SEMA3D: variants seen among roughly 807,000 people sequenced by gnomAD.
SEMA3D encodes semaphorin 3D.
In SEMA3D, 84 loss-of-function variants were observed where a neutral mutation model predicts 100.1. The observed-to-expected ratio is 0.84, with a 90% CI of 0.70 to 1.01. SEMA3D has a LOEUF of 1.01. Among genes scored for constraint, SEMA3D ranks in the 50% least tolerant of loss-of-function variants. The probability of loss-of-function intolerance (pLI) is 0.00; values close to 1 mark genes in which losing one functional copy is unlikely to be tolerated. For missense variants in SEMA3D, 875 were observed against 934.1 expected (o/e 0.94, Z 0.82); for synonymous variants, 312 against 320.7 (o/e 0.97, Z 0.29).
At chr7:85,177,451 T>G (rs1157190571) in intron 1 of SEMA3D, among the ~76,000 whole-genome samples, 1 of 151,902 alleles carries the variant, frequency 6.6e-6, no homozygotes, top group African/African-American at 2.4e-5. Context: ...AAAAAAAGAG[T>G]AAGTAGTCAC....
At chr7:85,138,523 A>G (rs138445405) in intron 2 of SEMA3D, among the ~76,000 whole-genome samples, 2,068 of 150,986 alleles carry the variant, frequency 0.014, 50 homozygotes, top group African/African-American at 0.047. Flanking sequence ...AAACATTTAC[A>G]TAACTCAAAT....
At chr7:85,121,612 T>C (rs1789414445) in intron 3 of SEMA3D, 129 bp downstream of exon 3, 3 of 562,180 alleles carry the variant, frequency 5.3e-6, no homozygotes, top group Non-Finnish European at 9.0e-6. Flanking sequence ...TCTATAATTC[T>C]ATTTTTATGA....
chr7:85,102,483 T>C (rs1788780625), intron 3 of SEMA3D, among the ~76,000 whole-genome samples: 1 of 151,930 alleles, frequency 6.6e-6, no homozygotes, highest in African/African-American at 2.4e-5. Context: ...AGGGACTATG[T>C]TGGGTGGAAA....
At chr7:85,117,706 G>A (rs537187162) in intron 3 of SEMA3D, among the ~76,000 whole-genome samples, 4 of 152,162 alleles carry the variant, frequency 2.6e-5, no homozygotes, top group African/African-American at 9.6e-5. Context: ...TTAGGAGGCC[G>A]AGGCTGCAGT....
At chr7:85,060,861 T>C (rs1393995615) in intron 8 of SEMA3D, among the ~76,000 whole-genome samples, 1 of 152,162 alleles carries the variant, frequency 6.6e-6, no homozygotes, top group Admixed American at 6.5e-5. Flanking sequence ...ACTGTCTCCA[T>C]ATGTTAGAAA....
chr7:85,092,618 T>TA (rs915150245), intron 4 of SEMA3D, among the ~76,000 whole-genome samples: 13 of 152,156 alleles, frequency 8.5e-5, no homozygotes, highest in Non-Finnish European at 5.9e-5. Context: ...TTTGATTTTT[T>TA]AAAAAATATG....
the SEMA3D span, among the ~76,000 whole-genome samples, chr7:85,209,428 G>A: frequency 6.6e-6 from 1 of 151,834 alleles, no homozygotes. Context: ...TAGGCAATTG[G>A]GAATCAGGAA....
chr7:85,131,818 T>C (rs185583812), intron 2 of SEMA3D, among the ~76,000 whole-genome samples: 3 of 152,046 alleles, frequency 2.0e-5, no homozygotes, highest in Admixed American at 2.0e-4. Context: ...CTAGTCTCCA[T>C]TCCCACACCT....
chr7:85,066,892 T>TCACACACACACACACACACACA lies in SEMA3D; in HGVS notation c.589+1277_589+1298dup, dbSNP rs542898682. Among the ~76,000 whole-genome samples the TCACACACACACACACACACACA allele has an allele frequency of 5.9e-3, 627 of 106,522 alleles. 4 individuals carry two copies. The highest frequency in any genetic ancestry group is 0.024 in the African/African-American group (600 of 25,112). 69.9% of individuals were successfully genotyped at this position (106,522 alleles called of 152,430 possible). ...GCTAACTTCTAAAGGAAATGTGCGC[T>TCACACACACACACACACACACA]CACACACACACACACACACACAGAG... On this transcript the variant is annotated intron_variant, in intron 7 of 18. Transcript: ENST00000284136.
At chr7:85,133,283 T>C (rs926606579) in intron 2 of SEMA3D, among the ~76,000 whole-genome samples, 8 of 152,050 alleles carry the variant, frequency 5.3e-5, no homozygotes, top group Non-Finnish European at 1.0e-4. Context: ...CCTTATATCC[T>C]CAGCTACATC....
intron 4 of SEMA3D, among the ~76,000 whole-genome samples, chr7:85,096,763 TAAA>T (rs1180358778): frequency 2.0e-5 from 3 of 151,832 alleles, no homozygotes; most frequent in Non-Finnish European, 4.4e-5. Context: ...CAAATAATTC[TAAA>T]ATAATTGAAC....
intron 1 of SEMA3D, among the ~76,000 whole-genome samples, chr7:85,168,654 T>G (rs1790980347): frequency 1.3e-5 from 2 of 149,672 alleles, no homozygotes; most frequent in African/African-American, 4.9e-5. Flanking sequence ...TTAATTACTT[T>G]TGCACCAACC....
At chr7:85,249,062 G>T in the SEMA3D span, among the ~76,000 whole-genome samples, 1 of 152,156 alleles carries the variant, frequency 6.6e-6, no homozygotes, top group Admixed American at 6.5e-5. Context: ...AATGGGAGAG[G>T]TTATGCATGT....
At chr7:85,239,512 C>T in the SEMA3D span, among the ~76,000 whole-genome samples, 1 of 152,166 alleles carries the variant, frequency 6.6e-6, no homozygotes, top group Non-Finnish European at 1.5e-5. Context: ...ATCTGTGGCA[C>T]AGTGTCATAG....
chr7:85,173,424 G>A (rs550901199), intron 1 of SEMA3D, among the ~76,000 whole-genome samples: 59 of 152,054 alleles, frequency 3.9e-4, no homozygotes, highest in Non-Finnish European at 7.5e-4. Flanking sequence ...ATGATCTATT[G>A]CACTGTGCCC....
In SEMA3D at chr7:85,122,130, A is replaced by G. The variant is rs147174215; in HGVS notation, c.-40-199T>C. Among the ~76,000 whole-genome samples the G allele has an allele frequency of 4.6e-3, 702 of 151,966 alleles. 8 individuals are homozygous for G. Among genetic ancestry groups the G allele is most frequent in the African/African-American group, 0.016 (672 of 41,452 alleles). ...AGGGAGAGCATTAGGAGAAATACCT[A>G]ATGTAGATGACAGGTTGATGGGTGC... On this transcript the variant is annotated intron_variant, in intron 2 of 18. Coordinates refer to ENST00000284136, the MANE Select transcript of SEMA3D (RefSeq NM_001384900.1).
chr7:85,055,269 TAA>T (rs1434817271), intron 9 of SEMA3D, among the ~76,000 whole-genome samples: 4 of 152,228 alleles, frequency 2.6e-5, no homozygotes, highest in South Asian at 4.1e-4. Context: ...GGGATTACGT[TAA>T]GTTACTTTCA....
the SEMA3D span, among the ~76,000 whole-genome samples, chr7:85,215,618 G>A: frequency 6.6e-6 from 1 of 151,998 alleles, no homozygotes; most frequent in African/African-American, 2.4e-5. Context: ...TTCATTAAAG[G>A]CCCTAAGTTT....
the SEMA3D span, among the ~76,000 whole-genome samples, chr7:85,248,038 T>C: frequency 6.6e-6 from 1 of 151,698 alleles, no homozygotes; most frequent in South Asian, 2.1e-4. Flanking sequence ...GTGAAAAGTT[T>C]GAAAAGACAA....
Sources: gnomAD v4.1 joint callset for allele counts (sites outside exome capture counted in the v4.1 genomes callset) on GRCh38, gnomAD v4.1.1 for gene constraint, MANE v1.5 for transcripts, NCBI Gene and HGNC (gene_info 2026-07-23, HGNC 2026-07-21) for gene names.